The following PAPSS1 variants were observed in gnomAD, a reference collection of about 807,000 sequenced individuals.
PAPSS1 encodes 3'-phosphoadenosine 5'-phosphosulfate synthase 1, also known as bifunctional 3'-phosphoadenosine 5'-phosphosulfate synthase 1.
Under a neutral mutation model 72.0 loss-of-function variants are expected in PAPSS1, and 50 were observed. The ratio of observed to expected loss-of-function variants is 0.69; its 90% CI spans 0.55 to 0.88. PAPSS1 has a LOEUF of 0.88. PAPSS1 is among the 40% of genes least tolerant of loss of function. The probability of loss-of-function intolerance (pLI) is 0.00; values close to 1 mark genes in which losing one functional copy is unlikely to be tolerated. For missense variants in PAPSS1, 657 were observed against 782.2 expected, an observed-to-expected ratio of 0.84 and a Z score of 1.91; for synonymous variants, 261 against 263.6, an observed-to-expected ratio of 0.99 and a Z score of 0.09.
rs932679357 is a variant in PAPSS1, at chr4:107,654,757, T to C, written c.1039A>G (p.Arg347Gly). 1.3e-5 allele frequency: 21 copies of C among 1,613,790 alleles called. No homozygotes were observed. Among genetic ancestry groups the C allele is most frequent in the Non-Finnish European group, 1.7e-5 (20 of 1,179,912 alleles). Residue 347 changes from arginine to glycine, a missense_variant, in exon 8 of 12, where the codon AGG (arginine) becomes GGG (glycine). Coordinates refer to ENST00000265174, the MANE Select transcript of PAPSS1 (RefSeq NM_005443.5). ...ILRNPEFFEH[R>G]KEERCARQWG... Reference sequence around the variant, plus strand: ...TGTCTGGCACAGCGCTCCTCTTTCCTGTGCTCAAAAAACTCTGGATTGCGA... The same window carrying C: ...TGTCTGGCACAGCGCTCCTCTTTCCCGTGCTCAAAAAACTCTGGATTGCGA...
intron 9 of PAPSS1, among the ~76,000 whole-genome samples, chr4:107,648,822 T>G (rs1381532450): frequency 2.0e-5 from 3 of 152,180 alleles, no homozygotes; most frequent in Non-Finnish European, 1.5e-5. Context: ...AGCAGTTTGA[T>G]CTCCCCTCCT....
At chr4:107,617,618 C>T (rs1220474710) in intron 11 of PAPSS1, among the ~76,000 whole-genome samples, 1 of 152,150 alleles carries the variant, frequency 6.6e-6, no homozygotes, top group Non-Finnish European at 1.5e-5. Flanking sequence ...ATTCTTCCTA[C>T]TCCCTGCATT....
intron 5 of PAPSS1, among the ~76,000 whole-genome samples, chr4:107,666,072 T>C (rs530046732): frequency 6.6e-6 from 1 of 152,336 alleles, no homozygotes; most frequent in South Asian, 2.1e-4. Context: ...ACTACATGCA[T>C]CCAAAGCATG....
chr4:107,636,213 T>C (rs1726376605), intron 10 of PAPSS1, among the ~76,000 whole-genome samples: 1 of 151,992 alleles, frequency 6.6e-6, no homozygotes, highest in African/African-American at 2.4e-5. Context: ...AGACAGAAAC[T>C]AACTCAAAGA....
chr4:107,659,948 GA>G lies in PAPSS1; in HGVS notation c.783+10del, dbSNP rs1727127803. ...TGTATCACTTAGTGTGAAAAGCAAC[GA>G]AGAACTTACTTTATTAATTTTCAGT... On this transcript the variant is annotated intron_variant, in intron 6 of 11. Transcript: ENST00000265174. 6.9e-7 allele frequency: 1 copy of G among 1,448,272 alleles called. No individual in the cohort carries two copies. The highest frequency in any genetic ancestry group is 1.4e-5 in the African/African-American group (1 of 71,656). The allele number at this position is 1,448,272 out of a possible 1,614,324, so 89.7% of individuals were successfully genotyped here.
At chr4:107,686,937 C>T in intron 4 of PAPSS1, 102 bp downstream of exon 4, 1 of 905,152 alleles carries the variant, frequency 1.1e-6, no homozygotes. Context: ...CAAGGAGCTC[C>T]AAGTCACTCT....
At chr4:107,648,283 A>C (rs1398230011) in intron 9 of PAPSS1, among the ~76,000 whole-genome samples, 1 of 152,214 alleles carries the variant, frequency 6.6e-6, no homozygotes, top group Non-Finnish European at 1.5e-5. Context: ...TTCCGTGAAC[A>C]CATGTAGGAC....
intron 5 of PAPSS1, among the ~76,000 whole-genome samples, chr4:107,676,885 T>C (rs1340079728): frequency 6.6e-6 from 1 of 152,046 alleles, no homozygotes; most frequent in Non-Finnish European, 1.5e-5. Context: ...ATGCCACATA[T>C]CTACACCCAT....
chr4:107,710,182 T>C (rs1231100607), intron 1 of PAPSS1, among the ~76,000 whole-genome samples: 1 of 152,344 alleles, frequency 6.6e-6, no homozygotes, highest in Non-Finnish European at 1.5e-5. Context: ...ATTTCTATTC[T>C]TGGCTTTCTG....
intron 5 of PAPSS1, among the ~76,000 whole-genome samples, chr4:107,671,640 G>GT (rs1727470574): frequency 6.6e-6 from 1 of 152,068 alleles, no homozygotes; most frequent in African/African-American, 2.4e-5. Context: ...TCATCCCTCA[G>GT]TATCTGAGAG....
At chr4:107,709,333 T>C (rs1455533178) in intron 1 of PAPSS1, among the ~76,000 whole-genome samples, 2 of 152,344 alleles carry the variant, frequency 1.3e-5, no homozygotes, top group East Asian at 3.9e-4. Flanking sequence ...AGATCTGATC[T>C]AACCAACCTC....
intron 9 of PAPSS1, among the ~76,000 whole-genome samples, chr4:107,649,801 T>C (rs1352262964): frequency 6.6e-6 from 1 of 152,238 alleles, no homozygotes; most frequent in African/African-American, 2.4e-5. Context: ...TGAAAGAAAT[T>C]ATGTCAACTC....
intron 3 of PAPSS1, among the ~76,000 whole-genome samples, chr4:107,692,773 G>A (rs539174574): frequency 1.5e-4 from 22 of 146,128 alleles, no homozygotes; most frequent in Non-Finnish European, 2.1e-4. Context: ...AAGAAAACAC[G>A]GTGTGTATAT....
chr4:107,638,334 T>C (rs896224313), intron 10 of PAPSS1, among the ~76,000 whole-genome samples: 6 of 152,226 alleles, frequency 3.9e-5, no homozygotes, highest in African/African-American at 1.4e-4. Flanking sequence ...GGAGTCTGAA[T>C]TCTTCATTTC....
At chr4:107,707,530 G>A (rs1327898709) in intron 1 of PAPSS1, among the ~76,000 whole-genome samples, 1 of 152,146 alleles carries the variant, frequency 6.6e-6, no homozygotes, top group African/African-American at 2.4e-5. Flanking sequence ...GTTTCACTGA[G>A]GTGGGCCTGG....
At chr4:107,711,586 C>T (rs1462814368) in intron 1 of PAPSS1, among the ~76,000 whole-genome samples, 1 of 152,212 alleles carries the variant, frequency 6.6e-6, no homozygotes, top group Non-Finnish European at 1.5e-5. Flanking sequence ...TTCATCCATC[C>T]TATCACCCAC....
chr4:107,669,257 A>G (rs1727408036), intron 5 of PAPSS1, among the ~76,000 whole-genome samples: 1 of 152,236 alleles, frequency 6.6e-6, no homozygotes, highest in Non-Finnish European at 1.5e-5. Flanking sequence ...ATGAACTTTG[A>G]GCTGAATGTC....
At chr4:107,696,412 T>C (rs911447264) in intron 2 of PAPSS1, among the ~76,000 whole-genome samples, 5 of 152,202 alleles carry the variant, frequency 3.3e-5, no homozygotes, top group Non-Finnish European at 7.3e-5. Context: ...AATGAGATCA[T>C]GTCGTCTGCA....
chr4:107,690,606 A>C (rs768148550), intron 3 of PAPSS1, among the ~76,000 whole-genome samples: 6 of 152,236 alleles, frequency 3.9e-5, no homozygotes, highest in Non-Finnish European at 8.8e-5. Flanking sequence ...TGCTCAGTTC[A>C]GTGGTTGACA....
Sources: allele counts gnomAD v4.1 joint callset (sites outside exome capture counted in the v4.1 genomes callset), GRCh38; gene constraint gnomAD v4.1.1; transcripts MANE v1.5; gene names NCBI Gene and HGNC (gene_info 2026-07-23, HGNC 2026-07-21).